ADCY2: variants seen among roughly 807,000 people sequenced by gnomAD.
ADCY2 encodes adenylate cyclase 2.
In ADCY2, 31 loss-of-function variants were observed where a neutral mutation model predicts 125.2. The ratio of observed to expected loss-of-function variants is 0.25; its 90% CI spans 0.19 to 0.33. The LOEUF is 0.33. Among genes scored for constraint, ADCY2 ranks in the 10% least tolerant of loss-of-function variants. The pLI is 1.00. For missense variants in ADCY2, 904 were observed against 1,418.2 expected (o/e 0.64, Z 5.82); for synonymous variants, 512 against 548.4 (o/e 0.93, Z 0.93).
intron 1 of ADCY2, among the ~76,000 whole-genome samples, chr5:7,401,987 A>T (rs1182213551): frequency 2.6e-5 from 4 of 152,196 alleles, no homozygotes; most frequent in African/African-American, 9.7e-5. Flanking sequence ...GAGTATTTAG[A>T]GCACCTGGGT....
intron 15 of ADCY2, among the ~76,000 whole-genome samples, chr5:7,752,592 A>G (rs1742861217): frequency 2.0e-5 from 3 of 152,080 alleles, no homozygotes; most frequent in African/African-American, 4.8e-5. Context: ...CTACTTTTAT[A>G]ATGATTAAGT....
chr5:7,669,314 G>A (rs1443924945), intron 4 of ADCY2, among the ~76,000 whole-genome samples: 2 of 152,226 alleles, frequency 1.3e-5, no homozygotes, highest in Non-Finnish European at 2.9e-5. Context: ...CCAGGTGTGT[G>A]AGTCTAAGCA....
chr5:7,817,365 CT>C (rs1395366400), intron 23 of ADCY2, among the ~76,000 whole-genome samples: 5 of 152,086 alleles, frequency 3.3e-5, no homozygotes, highest in Admixed American at 3.3e-4. Flanking sequence ...AAAATATTTT[CT>C]TTAAAAAAGT....
intron 7 of ADCY2, among the ~76,000 whole-genome samples, chr5:7,703,109 T>A (rs1741144889): frequency 6.6e-6 from 1 of 152,298 alleles, no homozygotes. Flanking sequence ...GTTTGAGTTC[T>A]TTGTAGATTC....
In ADCY2 at chr5:7,744,017, A is replaced by G. The variant is rs554697824; in HGVS notation, c.1956+265A>G. On this transcript the variant is annotated intron_variant, in intron 15 of 24. Transcript: ENST00000338316. ...TTGCATTCTTGCTTATTTGGTGTCA[A>G]TATATTTTTATCATTTCCTTTAAGT... Among the ~76,000 whole-genome samples the G allele has an allele frequency of 9.8e-5, 15 of 152,316 alleles. No individual in the cohort carries two copies. In the South Asian group the frequency reaches 2.5e-3, roughly 25 times the overall value.
intron 2 of ADCY2, among the ~76,000 whole-genome samples, chr5:7,433,231 A>C (rs1740671772): frequency 6.6e-6 from 1 of 152,206 alleles, no homozygotes; most frequent in Non-Finnish European, 1.5e-5. Flanking sequence ...GAATAAAGTT[A>C]CTGAGATGGT....
At chr5:7,688,863 A>T (rs1051085057) in intron 4 of ADCY2, among the ~76,000 whole-genome samples, 8 of 152,202 alleles carry the variant, frequency 5.3e-5, no homozygotes, top group African/African-American at 1.9e-4. Context: ...CCATGGGCAC[A>T]TCACGAGTTT....
At chr5:7,760,394 G>A (rs1249549337) in intron 16 of ADCY2, among the ~76,000 whole-genome samples, 1 of 152,206 alleles carries the variant, frequency 6.6e-6, no homozygotes, top group Non-Finnish European at 1.5e-5. Context: ...CACACTTGAA[G>A]GGCAGCAGGG....
At chr5:7,553,694 A>G (rs533477146) in intron 3 of ADCY2, among the ~76,000 whole-genome samples, 1 of 152,118 alleles carries the variant, frequency 6.6e-6, no homozygotes, top group Non-Finnish European at 1.5e-5. Flanking sequence ...TATGGTGGCT[A>G]TTAACTGTGG....
intron 7 of ADCY2, among the ~76,000 whole-genome samples, chr5:7,699,994 C>T (rs1316572357): frequency 6.6e-6 from 1 of 152,186 alleles, no homozygotes; most frequent in African/African-American, 2.4e-5. Flanking sequence ...AAATTTTGAA[C>T]ATCTTCTTTG....
intron 3 of ADCY2, among the ~76,000 whole-genome samples, chr5:7,584,447 TA>T (rs1736553901): frequency 6.6e-6 from 1 of 152,074 alleles, no homozygotes; most frequent in South Asian, 2.1e-4. Context: ...TCAGGTATAA[TA>T]AGGACACTAG....
rs10059539 is a variant in ADCY2, at chr5:7,828,291, C to T, written c.*1420C>T. ...ATGATCTCTTAGGAAGCCTTTTATT[C>T]GTGGGAACTCGAACTTGAAGCACAA... On this transcript the variant is annotated 3_prime_UTR_variant, in exon 25 of 25. Coordinates refer to ENST00000338316, the MANE Select transcript of ADCY2 (RefSeq NM_020546.3). 0.04 allele frequency: 6,149 copies of T among 152,760 alleles called. 148 individuals are homozygous for T. Among genetic ancestry groups the T allele is most frequent in the East Asian group, 0.081 (426 of 5,238 alleles). The allele number at this position is 152,760 out of a possible 1,614,324, so 9.5% of individuals were successfully genotyped here. A position where few individuals can be genotyped will look rare whatever the true frequency, so the allele number is the denominator to read the frequency against.
At chr5:7,587,489 T>G (rs2126620003) in intron 3 of ADCY2, among the ~76,000 whole-genome samples, 1 of 152,224 alleles carries the variant, frequency 6.6e-6, no homozygotes, top group East Asian at 1.9e-4. Flanking sequence ...TAAAAAAAAA[T>G]TAAAACAGTC....
At position 7,804,577 on chromosome 5, in the gene ADCY2, C is replaced by T. The variant is rs765082795; in HGVS notation, c.2776-8C>T. ...CTGAGTAACTGGACGGTTGTCATTG[C>T]TTCACAGCTTCTTTCCAAGCCAAAA... On this transcript the variant is annotated splice_polypyrimidine_tract_variant and splice_region_variant and intron_variant, in intron 21 of 24. Transcript: ENST00000338316. 3 of 1,610,792 alleles carry T rather than the reference C, an allele frequency of 1.9e-6. No individual in the cohort carries two copies. The highest frequency in any genetic ancestry group is 2.7e-5 in the African/African-American group (2 of 74,888).
intron 3 of ADCY2, among the ~76,000 whole-genome samples, chr5:7,557,397 A>G (rs184868485): frequency 1.4e-3 from 219 of 152,146 alleles, no homozygotes; most frequent in African/African-American, 5.0e-3. Context: ...TTTTAAGTTC[A>G]GGGGTACATG....
chr5:7,428,385 G>T (rs982226693), intron 2 of ADCY2, among the ~76,000 whole-genome samples: 1 of 152,154 alleles, frequency 6.6e-6, no homozygotes, highest in African/African-American at 2.4e-5. Flanking sequence ...TTAAGCCAAA[G>T]ATAGAGTTTT....
At chr5:7,637,447 A>T (rs927824793) in intron 4 of ADCY2, among the ~76,000 whole-genome samples, 2 of 151,582 alleles carry the variant, frequency 1.3e-5, no homozygotes, top group South Asian at 2.1e-4. Context: ...AAAAAAAAAA[A>T]AAAAGAGAAG....
intron 3 of ADCY2, among the ~76,000 whole-genome samples, chr5:7,532,003 T>A (rs1178146323): frequency 6.6e-6 from 1 of 152,252 alleles, no homozygotes; most frequent in Non-Finnish European, 1.5e-5. Context: ...TTCTCTTGCC[T>A]GCTTAGGCAT....
At chr5:7,450,811 A>C (rs536706137) in intron 2 of ADCY2, among the ~76,000 whole-genome samples, 2 of 152,264 alleles carry the variant, frequency 1.3e-5, no homozygotes, top group South Asian at 4.1e-4. Flanking sequence ...GAGCCCTTAA[A>C]AATTGTTAAT....
Sources: gnomAD v4.1 joint callset for allele counts (sites outside exome capture counted in the v4.1 genomes callset) on GRCh38, gnomAD v4.1.1 for gene constraint, MANE v1.5 for transcripts, NCBI Gene and HGNC (gene_info 2026-07-23, HGNC 2026-07-21) for gene names.